MIGA1: variants seen among roughly 807,000 people sequenced by gnomAD.
MIGA1 encodes the protein mitoguardin 1.
Under a neutral mutation model 82.0 loss-of-function variants are expected in MIGA1, and 58 were observed. The observed-to-expected ratio is 0.71, with a 90% CI of 0.57 to 0.88. The LOEUF (loss-of-function observed/expected upper bound fraction) is 0.88. Ranked by LOEUF, MIGA1 falls within the 40% of genes least tolerant of loss-of-function variation. The probability of loss-of-function intolerance (pLI) is 0.00; values close to 1 mark genes in which losing one functional copy is unlikely to be tolerated. For synonymous variants in MIGA1, 249 were observed against 253.6 expected (o/e 0.98, Z 0.17); for missense variants, 751 against 749.1 (o/e 1.00, Z -0.03).
intron 8 of MIGA1, chr1:77,847,077 T>C: frequency 2.6e-6 from 2 of 776,950 alleles, no homozygotes; most frequent in Non-Finnish European, 4.7e-6. Context: ...ACACCAACAG[T>C]AGGGCCACGT....
intron 3 of MIGA1, among the ~76,000 whole-genome samples, chr1:77,802,182 G>A (rs1246224917): frequency 6.6e-6 from 1 of 152,146 alleles, no homozygotes; most frequent in Non-Finnish European, 1.5e-5. Flanking sequence ...ATATGCTTTT[G>A]TGAGTCATCT....
chr1:77,796,435 T>C lies in MIGA1; in HGVS notation c.196-4896T>C, dbSNP rs562696180. 2.6e-5 allele frequency among the ~76,000 whole-genome samples: 4 copies of C among 152,104 alleles called. No homozygotes were observed. In the South Asian group the frequency reaches 8.3e-4, roughly 32 times the overall value. On this transcript the variant is annotated intron_variant, in intron 2 of 15. Coordinates refer to ENST00000370791, the MANE Select transcript of MIGA1 (RefSeq NM_198549.4). ...TGCCTGGTCTTAATTTTTTTTTTTTTTTTAAGAGATGGAGTCTCACTTTGT... is the reference window on the plus strand; with the variant it reads ...TGCCTGGTCTTAATTTTTTTTTTTTCTTTAAGAGATGGAGTCTCACTTTGT...
intron 13 of MIGA1, among the ~76,000 whole-genome samples, chr1:77,866,026 C>T (rs1051405203): frequency 4.3e-4 from 65 of 152,116 alleles, no homozygotes; most frequent in Non-Finnish European, 5.3e-4. Flanking sequence ...AATTCTCCTG[C>T]CTCAGCCTCC....
chr1:77,818,389 C>T (rs1404271998), intron 7 of MIGA1, among the ~76,000 whole-genome samples: 1 of 152,082 alleles, frequency 6.6e-6, no homozygotes, highest in Non-Finnish European at 1.5e-5. Context: ...TCCCAAAGTG[C>T]TGGGATTACA....
rs1685563393 is a variant in MIGA1, at chr1:77,863,911, T to G, written c.1392T>G (p.Phe464Leu). ...TAATGCAGGTGAAAAATCTAAATTT[T>G]TATGATGTTGTTCTGGATTTTATAT... The change falls in exon 13 of 16, where the codon TTT becomes TTG. Residue 464 changes from phenylalanine (F) to leucine (L), a missense_variant. Physicochemically the swap from Phe to Leu is conservative, Grantham distance 22. This residue lies in a region of MIGA1 where 265 missense variants were observed against 293.6 expected (regional missense o/e 0.90). Transcript: ENST00000370791. 6.4e-7 allele frequency: 1 copy of G among 1,564,432 alleles called. No individual in the cohort carries two copies. The highest frequency in any genetic ancestry group is 8.6e-7 in the Non-Finnish European group (1 of 1,156,136).
At position 77,806,960 on chromosome 1, in the gene MIGA1, C is replaced by G. The variant is rs919503074; in HGVS notation, c.511-15C>G. 1 of 1,593,038 alleles carries G rather than the reference C, an allele frequency of 6.3e-7. No individual in the cohort carries two copies. ...GAGAGAGATTTGAAGTAACTTCTAT[C>G]CATCTTAATTTTAGGTCCAGAGTGT... On this transcript the variant is annotated splice_polypyrimidine_tract_variant and intron_variant, in intron 4 of 15. Transcript: ENST00000370791.
intron 7 of MIGA1, among the ~76,000 whole-genome samples, chr1:77,841,948 A>ATTT (rs1176838372): frequency 2.5e-5 from 3 of 121,250 alleles, no homozygotes; most frequent in African/African-American, 9.2e-5. Context: ...ACACCTGGCT[A>ATTT]TTTTTTTTTT....
chr1:77,803,249 A>G (rs1682958029), intron 3 of MIGA1, 21 bp from the exon 4 acceptor site: 4 of 1,383,234 alleles, frequency 2.9e-6, no homozygotes, highest in Non-Finnish European at 3.8e-6. Flanking sequence ...TATTTTTAAT[A>G]TTAGTATGTT....
chr1:77,826,305 TA>T (rs1355598775), intron 7 of MIGA1, among the ~76,000 whole-genome samples: 5 of 152,216 alleles, frequency 3.3e-5, no homozygotes, highest in Non-Finnish European at 5.9e-5. Context: ...GTGCTTTTTA[TA>T]AATCTACCTT....
chr1:77,818,374 C>T (rs1228102117), intron 7 of MIGA1, among the ~76,000 whole-genome samples: 4 of 152,026 alleles, frequency 2.6e-5, no homozygotes, highest in Admixed American at 1.3e-4. Context: ...CCACCTGCTT[C>T]GGCCTCCCAA....
rs552985710 is a variant in MIGA1, at chr1:77,869,646, C to T, written c.1563+3255C>T. Among the ~76,000 whole-genome samples, 218 of 138,094 alleles carry T rather than the reference C, an allele frequency of 1.6e-3. 1 individual carries two copies. The highest frequency in any genetic ancestry group is 0.015 in the South Asian group (61 of 4,048). 90.6% of individuals were successfully genotyped at this position (138,094 alleles called of 152,430 possible). A position where few individuals can be genotyped will look rare whatever the true frequency, so the allele number is the denominator to read the frequency against. Reference sequence around the variant, plus strand: ...GTCCTCACTTCCCAGTAGGGGCGGCCGGGCAGAGGCGCCCCTCACCTCCCG... The same window carrying T: ...GTCCTCACTTCCCAGTAGGGGCGGCTGGGCAGAGGCGCCCCTCACCTCCCG... On this transcript the variant is annotated intron_variant, in intron 14 of 15. Transcript: ENST00000370791.
intron 15 of MIGA1, 43 bp downstream of exon 15, chr1:77,873,163 A>G: frequency 6.4e-7 from 1 of 1,553,118 alleles, no homozygotes; most frequent in Non-Finnish European, 8.8e-7. Flanking sequence ...TTTCTAAATC[A>G]AAAAGGAGAT....
chr1:77,832,023 A>G, intron 7 of MIGA1, among the ~76,000 whole-genome samples: 2 of 152,310 alleles, frequency 1.3e-5, no homozygotes, highest in Middle Eastern at 6.8e-3. Context: ...ATTGGGCTTC[A>G]TATTTTGTGT....
intron 2 of MIGA1, among the ~76,000 whole-genome samples, chr1:77,784,688 A>G (rs1321582227): frequency 6.6e-6 from 1 of 152,290 alleles, no homozygotes; most frequent in East Asian, 1.9e-4. Context: ...CCATCCTAAT[A>G]GGTATGAGGT....
chr1:77,832,096 A>G lies in MIGA1; in HGVS notation c.896-11211A>G, dbSNP rs530187295. Among the ~76,000 whole-genome samples, 9 of 152,344 alleles carry G rather than the reference A, an allele frequency of 5.9e-5. No homozygotes were observed. The South Asian group carries it at 1.9e-3, about 32-fold the overall frequency. On this transcript the variant is annotated intron_variant, in intron 7 of 15. Coordinates refer to ENST00000370791, the MANE Select transcript of MIGA1 (RefSeq NM_198549.4). Reference sequence around the variant, plus strand: ...TAGTAGTATTAGCAGGCAACACTGAAGCCTGTGTGATAAATGTTATTTTTG... The same window carrying G: ...TAGTAGTATTAGCAGGCAACACTGAGGCCTGTGTGATAAATGTTATTTTTG...
intron 8 of MIGA1, among the ~76,000 whole-genome samples, chr1:77,845,016 A>G (rs1570988461): frequency 6.6e-6 from 1 of 152,278 alleles, no homozygotes; most frequent in South Asian, 2.1e-4. Context: ...TTACACATCT[A>G]TAACTGATGT....
At chr1:77,847,885 A>T (rs1684903293) in intron 8 of MIGA1, 5 of 1,548,374 alleles carry the variant, frequency 3.2e-6, no homozygotes, top group Non-Finnish European at 4.5e-6. Context: ...AGTGACTTTG[A>T]TGCTAAGAGC....
intron 5 of MIGA1, among the ~76,000 whole-genome samples, chr1:77,809,628 A>AT (rs1683239809): frequency 6.6e-6 from 1 of 152,202 alleles, no homozygotes; most frequent in Admixed American, 6.5e-5. Flanking sequence ...TCCTGTGTTC[A>AT]TATGTTCAGC....
At chr1:77,847,245 G>T (rs554365233) in intron 8 of MIGA1, 1 of 1,048,732 alleles carries the variant, frequency 9.5e-7, no homozygotes, top group East Asian at 2.4e-5. Context: ...AAAGCCTTCA[G>T]AGGGAAGCTG....
Sources: gnomAD v4.1 joint callset for allele counts (sites outside exome capture counted in the v4.1 genomes callset) on GRCh38, gnomAD v4.1.1 for gene constraint, gnomAD v4.1.1 regional missense constraint, MANE v1.5 for transcripts, NCBI Gene and HGNC (gene_info 2026-07-23, HGNC 2026-07-21) for gene names.